SPATS2: variants seen among roughly 807,000 people sequenced by gnomAD.
The protein encoded by SPATS2 is spermatogenesis-associated serine-rich protein 2.
In SPATS2, 38 loss-of-function variants were observed where a neutral mutation model predicts 63.7. The observed-to-expected ratio is 0.60, with a 90% CI of 0.46 to 0.78. SPATS2 has a LOEUF of 0.78. Among genes scored for constraint, SPATS2 ranks in the 30% least tolerant of loss-of-function variants. The probability of loss-of-function intolerance (pLI) is 0.00; values close to 1 mark genes in which losing one functional copy is unlikely to be tolerated. For synonymous variants in SPATS2, 207 were observed against 232.9 expected (o/e 0.89, Z 1.01); for missense variants, 588 against 666.2 (o/e 0.88, Z 1.29).
At chr12:49,440,449 T>G (rs1945396876) in intron 2 of SPATS2, among the ~76,000 whole-genome samples, 1 of 151,544 alleles carries the variant, frequency 6.6e-6, no homozygotes, top group African/African-American at 2.4e-5. Flanking sequence ...TTCTTCAATT[T>G]TTCGTTGAAT....
At chr12:49,451,014 G>T (rs1034085685) in intron 2 of SPATS2, among the ~76,000 whole-genome samples, 2 of 151,386 alleles carry the variant, frequency 1.3e-5, no homozygotes, top group African/African-American at 2.4e-5. Context: ...GATTACAGGC[G>T]CCCACCACTG....
Position 49,496,997 on chromosome 12 carries a change from A to G in SPATS2, c.691A>G (p.Ser231Gly), listed in dbSNP as rs1465620169. Residue 231 changes from serine (S) to glycine (G), a missense_variant, in exon 8 of 14, where the codon AGT (serine) becomes GGT (glycine). By Grantham distance (56) the Ser-to-Gly change is moderately conservative (BLOSUM62 0). Coordinates refer to ENST00000552918, the MANE Select transcript of SPATS2 (RefSeq NM_023071.4). ...GATGGAAGATGTTCCCCTCGCCACC[A>G]GTAAAAAGCTAAGTAAGTCAGAGGC... ...MGMEDVPLAT[S>G]KKLSSNIEKS... The G allele has an allele frequency of 6.5e-7, 1 of 1,548,506 alleles. No individual in the cohort carries two copies. The highest frequency in any genetic ancestry group is 8.7e-7 in the Non-Finnish European group (1 of 1,150,582).
At chr12:49,516,189 A>T (rs1437754075) in intron 10 of SPATS2, among the ~76,000 whole-genome samples, 2 of 105,304 alleles carry the variant, frequency 1.9e-5, no homozygotes, top group Non-Finnish European at 3.8e-5. Flanking sequence ...ATATATATAT[A>T]TATATATATA....
intron 9 of SPATS2, 26 bp from the exon 10 acceptor site, chr12:49,514,529 T>C (rs374565251): frequency 6.2e-7 from 1 of 1,607,620 alleles, no homozygotes; most frequent in African/African-American, 1.3e-5. Flanking sequence ...GATCAAACTT[T>C]TTATTCCTTT....
intron 2 of SPATS2, among the ~76,000 whole-genome samples, chr12:49,374,239 C>T (rs922414196): frequency 2.6e-5 from 4 of 151,984 alleles, no homozygotes; most frequent in African/African-American, 7.3e-5. Context: ...TCAGGTGATT[C>T]TGTCACCTCA....
intron 8 of SPATS2, among the ~76,000 whole-genome samples, chr12:49,497,232 C>T (rs939479344): frequency 2.0e-5 from 3 of 152,214 alleles, no homozygotes; most frequent in African/African-American, 7.2e-5. Flanking sequence ...TACGACGGCA[C>T]GTTTTGTGAA....
At chr12:49,398,135 C>CAAAAAAAAAA (rs71080193) in intron 2 of SPATS2, among the ~76,000 whole-genome samples, 108 of 45,062 alleles carry the variant, frequency 2.4e-3, no homozygotes, top group East Asian at 9.7e-3. Context: ...GACCCTGTCT[C>CAAAAAAAAAA]AAAAAAAAAA....
intron 2 of SPATS2, among the ~76,000 whole-genome samples, chr12:49,455,182 A>G (rs1350645637): frequency 6.6e-6 from 1 of 152,164 alleles, no homozygotes; most frequent in Non-Finnish European, 1.5e-5. Context: ...CGATTGGTTA[A>G]AGGTTGTATT....
chr12:49,458,732 GT>G (rs559444527), intron 2 of SPATS2, among the ~76,000 whole-genome samples: 3,410 of 136,632 alleles, frequency 0.025, 45 homozygotes, highest in Non-Finnish European at 0.033. Context: ...ATTCCATCTC[GT>G]TTTTTTTTTT....
At position 49,513,235 on chromosome 12, in the gene SPATS2, GTT is replaced by G. The variant is rs1555193063; in HGVS notation, c.840-1318_840-1317del. The stretch of plus-strand genomic sequence containing the variant: ...AGTGTGTGTGTGTGTGTGTGTGTGT[GTT>G]TGAGTGTGATTACAACCAGAAACAA... On this transcript the variant is annotated intron_variant, in intron 9 of 13. Transcript: ENST00000552918. Among the ~76,000 whole-genome samples the G allele has an allele frequency of 9.8e-3, 1,459 of 149,114 alleles. 19 individuals are homozygous for G. The highest frequency in any genetic ancestry group is 0.032 in the African/African-American group (1,329 of 41,026).
chr12:49,492,878 T>G (rs1188286959), intron 6 of SPATS2, among the ~76,000 whole-genome samples: 1 of 151,892 alleles, frequency 6.6e-6, no homozygotes, highest in African/African-American at 2.4e-5. Flanking sequence ...GGTGGATCAC[T>G]GGAGGTCAGG....
At chr12:49,373,607 C>T (rs984260390) in intron 2 of SPATS2, among the ~76,000 whole-genome samples, 1 of 151,658 alleles carries the variant, frequency 6.6e-6, no homozygotes, top group Non-Finnish European at 1.5e-5. Flanking sequence ...GCTTGGGCAA[C>T]AGCGAGACCC....
chr12:49,395,793 C>A (rs946774465), intron 2 of SPATS2, among the ~76,000 whole-genome samples: 1 of 151,846 alleles, frequency 6.6e-6, no homozygotes, highest in African/African-American at 2.4e-5. Flanking sequence ...CCTGACAAAT[C>A]TTTTGTTGTA....
intron 2 of SPATS2, among the ~76,000 whole-genome samples, chr12:49,375,128 T>C (rs1183044903): frequency 6.9e-6 from 1 of 144,744 alleles, no homozygotes; most frequent in Non-Finnish European, 1.5e-5. Context: ...AGATGTATGA[T>C]TGCAAGTTGT....
intron 3 of SPATS2, among the ~76,000 whole-genome samples, chr12:49,470,159 G>C (rs1946009630): frequency 6.6e-6 from 1 of 151,908 alleles, no homozygotes; most frequent in Non-Finnish European, 1.5e-5. Flanking sequence ...AGCCTCCCTA[G>C]TAGCTGGGAT....
intron 2 of SPATS2, among the ~76,000 whole-genome samples, chr12:49,392,821 T>C (rs184463686): frequency 6.7e-6 from 1 of 148,176 alleles, no homozygotes; most frequent in Admixed American, 6.7e-5. Flanking sequence ...GGAAGCTGAG[T>C]TGGGTGGATC....
chr12:49,368,329 C>T (rs1299825352), intron 1 of SPATS2, among the ~76,000 whole-genome samples: 1 of 152,104 alleles, frequency 6.6e-6, no homozygotes, highest in Non-Finnish European at 1.5e-5. Context: ...TATTTACTTC[C>T]CCTCTGTTTA....
At chr12:49,383,239 G>A (rs905694963) in intron 2 of SPATS2, among the ~76,000 whole-genome samples, 3 of 151,888 alleles carry the variant, frequency 2.0e-5, no homozygotes, top group African/African-American at 7.3e-5. Context: ...GGCTGGTCTC[G>A]AATTCCTGAC....
intron 2 of SPATS2, among the ~76,000 whole-genome samples, chr12:49,428,577 T>TTA (rs1383765649): frequency 6.6e-6 from 1 of 152,206 alleles, no homozygotes; most frequent in African/African-American, 2.4e-5. Context: ...ATCCTCAAGG[T>TTA]TCATCCATGT....
Sources: allele counts gnomAD v4.1 joint callset (sites outside exome capture counted in the v4.1 genomes callset), GRCh38; gene constraint gnomAD v4.1.1; transcripts MANE v1.5; gene names NCBI Gene and HGNC (gene_info 2026-07-23, HGNC 2026-07-21).